The following KLF8 variants were observed in gnomAD, a reference collection of about 807,000 sequenced individuals.
KLF8 encodes KLF transcription factor 8.
Under a neutral mutation model 18.2 loss-of-function variants are expected in KLF8, and 10 were observed. The observed-to-expected ratio is 0.55, with a 90% CI of 0.34 to 0.93. The LOEUF is 0.93. Ranked by LOEUF, KLF8 falls within the 40% of genes least tolerant of loss-of-function variation. The pLI is 0.02. For missense variants in KLF8, 264 were observed against 277.9 expected (o/e 0.95, Z 0.36); for synonymous variants, 109 against 97.3 (o/e 1.12, Z -0.71).
the KLF8 span, chrX:55,962,162 C>A: frequency 6.5e-6 from 1 of 155,008 alleles, no homozygotes; most frequent in South Asian, 1.4e-4. Context: ...TCAATGGAGC[C>A]CAGATTGCTT....
chrX:56,199,820 T>C, the KLF8 span, among the ~76,000 whole-genome samples: 1 of 111,284 alleles, frequency 9.0e-6, no homozygotes, highest in African/African-American at 3.3e-5. Context: ...AGCAAAGACT[T>C]GGAAACAACC....
chrX:56,175,274 C>G, the KLF8 span, among the ~76,000 whole-genome samples: 2 of 111,691 alleles, frequency 1.8e-5, no homozygotes, highest in African/African-American at 6.5e-5. Flanking sequence ...TTGAATGTGT[C>G]CCAGAGATTC....
the KLF8 span, among the ~76,000 whole-genome samples, chrX:56,219,862 G>T: frequency 8.9e-6 from 1 of 111,805 alleles, no homozygotes; most frequent in African/African-American, 3.3e-5. Flanking sequence ...AAAAAGAAAA[G>T]AAAAACTGGT....
At chrX:56,273,493 C>G (rs2067082937) in intron 5 of KLF8, among the ~76,000 whole-genome samples, 1 of 109,405 alleles carries the variant, frequency 9.1e-6, no homozygotes, top group African/African-American at 3.3e-5. Context: ...CACCATCCTT[C>G]CCTGCCTCTG....
the KLF8 span, among the ~76,000 whole-genome samples, chrX:55,948,875 A>T: frequency 8.9e-6 from 1 of 112,413 alleles, no homozygotes; most frequent in Non-Finnish European, 1.9e-5. Flanking sequence ...GAGTTCTTAC[A>T]TGTAAAATAC....
At chrX:56,039,194 G>A in the KLF8 span, among the ~76,000 whole-genome samples, 2 of 112,166 alleles carry the variant, frequency 1.8e-5, no homozygotes, top group Non-Finnish European at 3.8e-5. Context: ...CTTTTGCTGT[G>A]TAGAAGCTCT....
the KLF8 span, among the ~76,000 whole-genome samples, chrX:56,088,112 A>G: frequency 8.9e-6 from 1 of 111,823 alleles, no homozygotes; most frequent in Non-Finnish European, 1.9e-5. Flanking sequence ...ATATGGAAAT[A>G]TGGTCTTTTT....
chrX:56,041,755 T>C, the KLF8 span, among the ~76,000 whole-genome samples: 2 of 111,230 alleles, frequency 1.8e-5, no homozygotes, highest in African/African-American at 6.6e-5. Context: ...AGTGGCATGA[T>C]CTCAGCTCAC....
the KLF8 span, among the ~76,000 whole-genome samples, chrX:55,936,451 G>A: frequency 1.7e-4 from 19 of 112,765 alleles, no homozygotes; most frequent in Non-Finnish European, 2.8e-4. Flanking sequence ...CAGTATGAGC[G>A]ATGCAGAAGA....
the KLF8 span, among the ~76,000 whole-genome samples, chrX:56,161,045 T>G: frequency 5.8e-4 from 65 of 111,602 alleles, no homozygotes; most frequent in Admixed American, 4.9e-3. Flanking sequence ...TCCTTTCCAT[T>G]TTTAGTGCTT....
chrX:56,163,406 C>T, the KLF8 span, among the ~76,000 whole-genome samples: 1 of 111,591 alleles, frequency 9.0e-6, no homozygotes, highest in East Asian at 2.8e-4. Flanking sequence ...TTGAAAAGTG[C>T]CTTTTTATGC....
At chrX:56,190,402 T>G in the KLF8 span, among the ~76,000 whole-genome samples, 1 of 111,688 alleles carries the variant, frequency 9.0e-6, no homozygotes, top group Admixed American at 9.5e-5. Flanking sequence ...GTACCCCTTT[T>G]TCAGTATTAG....
chrX:56,179,719 A>G, the KLF8 span, among the ~76,000 whole-genome samples: 6 of 111,680 alleles, frequency 5.4e-5, no homozygotes, highest in Admixed American at 5.7e-4. Flanking sequence ...GAATTTTGTC[A>G]AAGGCCTTTA....
rs2066422853 is a variant in KLF8 at position 56,233,183 on chromosome X, C to T, written c.-152C>T. 1 of 636,738 alleles carries T rather than the reference C, an allele frequency of 1.6e-6. No homozygotes were observed. The highest frequency in any genetic ancestry group is 2.5e-6 in the Non-Finnish European group (1 of 398,534). The allele number at this position is 636,738 out of a possible 1,213,427, so 52.5% of individuals were successfully genotyped here. On this transcript the variant is annotated 5_prime_UTR_variant, in exon 1 of 6. Transcript: ENST00000468660. ...CCCGGAGAAATAGGGGAGTGGGGGC[C>T]CAAGAACGAGAAGACGAGAACGCGT...
the KLF8 span, among the ~76,000 whole-genome samples, chrX:55,955,610 T>C: frequency 9.0e-6 from 1 of 111,498 alleles, no homozygotes; most frequent in Non-Finnish European, 1.9e-5. Context: ...AATAATTGAG[T>C]AAGAAAGTTC....
the KLF8 span, among the ~76,000 whole-genome samples, chrX:56,167,013 A>T: frequency 8.9e-6 from 1 of 111,997 alleles, no homozygotes; most frequent in African/African-American, 3.2e-5. Context: ...TATGTGTTCC[A>T]TTTTCTGGCC....
chrX:55,989,031 G>T, the KLF8 span, among the ~76,000 whole-genome samples: 1 of 111,798 alleles, frequency 8.9e-6, no homozygotes. Flanking sequence ...AAGAATGCTT[G>T]TGATTTTTGC....
chrX:56,172,074 G>T, the KLF8 span, among the ~76,000 whole-genome samples: 1 of 110,374 alleles, frequency 9.1e-6, no homozygotes, highest in African/African-American at 3.3e-5. Flanking sequence ...TCTAACTGGT[G>T]TGAGATGATA....
the KLF8 span, among the ~76,000 whole-genome samples, chrX:56,177,046 G>A: frequency 1.8e-5 from 2 of 110,755 alleles, no homozygotes; most frequent in Admixed American, 9.7e-5. Context: ...CCATTGGTTA[G>A]AACTTCCTCT....
Sources: gnomAD v4.1 joint callset for allele counts (sites outside exome capture counted in the v4.1 genomes callset) on GRCh38, gnomAD v4.1.1 for gene constraint, MANE v1.5 for transcripts, NCBI Gene and HGNC (gene_info 2026-07-23, HGNC 2026-07-21) for gene names.